Variants in INSL6 observed in about 807,000 individuals in gnomAD.
The protein encoded by INSL6 is insulin like 6.
A neutral mutation model predicts 9.4 loss-of-function variants in INSL6; 16 were observed. That is an observed-to-expected ratio of 1.70 (90% CI 1.15 to 2.59). The LOEUF is 2.59. Among genes scored for constraint, INSL6 ranks in the 30% most tolerant of loss-of-function variants. INSL6 has a pLI of 0.00. For synonymous variants in INSL6, 154 were observed against 96.9 expected (o/e 1.59, Z -3.46); for missense variants, 391 against 257.3 (o/e 1.52, Z -3.56).
chr9:5,031,837 A>G, the INSL6 span, among the ~76,000 whole-genome samples: 1 of 152,260 alleles, frequency 6.6e-6, no homozygotes, highest in Non-Finnish European at 1.5e-5. Flanking sequence ...TGGGCGATGC[A>G]GAAGACGGGT....
chr9:5,089,245 A>AAGAT, the INSL6 span, among the ~76,000 whole-genome samples: 9 of 152,300 alleles, frequency 5.9e-5, no homozygotes, highest in Admixed American at 3.9e-4. Flanking sequence ...TATAAGCTTA[A>AAGAT]AGATAGTCTG....
chr9:5,135,608 G>C (rs1370434531), intron 2 of INSL6, among the ~76,000 whole-genome samples: 1 of 152,102 alleles, frequency 6.6e-6, no homozygotes, highest in Non-Finnish European at 1.5e-5. Context: ...GAATCTCTAG[G>C]ACACATTTAA....
At chr9:5,133,787 T>A (rs1824336295) in intron 2 of INSL6, among the ~76,000 whole-genome samples, 1 of 151,910 alleles carries the variant, frequency 6.6e-6, no homozygotes, top group Admixed American at 6.6e-5. Flanking sequence ...ATGCCTCTTT[T>A]CCTCCAAAGG....
At chr9:5,023,251 T>C in the INSL6 span, among the ~76,000 whole-genome samples, 1 of 152,202 alleles carries the variant, frequency 6.6e-6, no homozygotes, top group East Asian at 1.9e-4. Context: ...AATGAGAACT[T>C]GTTATATTTG....
chr9:5,165,102 T>C (rs1825021431), intron 1 of INSL6, among the ~76,000 whole-genome samples: 1 of 152,146 alleles, frequency 6.6e-6, no homozygotes, highest in Non-Finnish European at 1.5e-5. Context: ...TACCAGCTAC[T>C]TGGGATGCTG....
the INSL6 span, chr9:5,108,365 T>C: frequency 3.9e-5 from 6 of 152,148 alleles, no homozygotes; most frequent in Non-Finnish European, 8.8e-5. Flanking sequence ...CAAGCTCATA[T>C]TTCCTATTGT....
the INSL6 span, chr9:5,089,590 AG>A: frequency 2.0e-6 from 1 of 492,538 alleles, no homozygotes; most frequent in Non-Finnish European, 3.3e-6. Flanking sequence ...TCCAGCTACT[AG>A]AATTTTCTAT....
chr9:5,065,105 T>C, the INSL6 span: 2 of 1,088,284 alleles, frequency 1.8e-6, no homozygotes, highest in Non-Finnish European at 2.5e-6. Flanking sequence ...AAAGAAGATT[T>C]AACAGAGTGA....
At chr9:5,049,829 C>G in the INSL6 span, among the ~76,000 whole-genome samples, 6 of 152,132 alleles carry the variant, frequency 3.9e-5, no homozygotes, top group Non-Finnish European at 5.9e-5. Flanking sequence ...CCTATTATTG[C>G]TCTAGGCTAC....
At chr9:5,103,705 AC>A in the INSL6 span, among the ~76,000 whole-genome samples, 1 of 152,216 alleles carries the variant, frequency 6.6e-6, no homozygotes, top group Admixed American at 6.5e-5. Context: ...AACAGATATC[AC>A]AACAAACTGG....
chr9:5,150,321 G>GA (rs1289767939), intron 2 of INSL6, among the ~76,000 whole-genome samples: 2 of 152,082 alleles, frequency 1.3e-5, no homozygotes, highest in Non-Finnish European at 2.9e-5. Context: ...TACAGAATGG[G>GA]AAAAATATTT....
At chr9:5,077,216 A>G in the INSL6 span, among the ~76,000 whole-genome samples, 4 of 150,098 alleles carry the variant, frequency 2.7e-5, no homozygotes, top group African/African-American at 7.3e-5. Flanking sequence ...TATATTATAC[A>G]TTTATGTTAT....
intron 1 of INSL6, among the ~76,000 whole-genome samples, chr9:5,173,129 G>A (rs2130913851): frequency 6.6e-6 from 1 of 152,290 alleles, no homozygotes; most frequent in Middle Eastern, 3.4e-3. Flanking sequence ...AGATGCTTTT[G>A]AGGTTGCAGA....
the INSL6 span, chr9:5,069,349 G>C: frequency 1.8e-6 from 1 of 556,896 alleles, no homozygotes; most frequent in Non-Finnish European, 3.1e-6. Flanking sequence ...TATTGTACAA[G>C]CATCATCAAA....
intron 1 of INSL6, among the ~76,000 whole-genome samples, chr9:5,177,887 CTTTTTT>C (rs1489833758): frequency 1.3e-5 from 2 of 151,972 alleles, no homozygotes; most frequent in African/African-American, 2.4e-5. Flanking sequence ...TCTTCTTTTT[CTTTTTT>C]GAGTTGGAGT....
chr9:5,012,863 G>T, the INSL6 span, among the ~76,000 whole-genome samples: 1 of 152,096 alleles, frequency 6.6e-6, no homozygotes, highest in African/African-American at 2.4e-5. Context: ...ATATGAGGGT[G>T]GCTCCTGTGG....
At chr9:5,046,039 A>T in the INSL6 span, among the ~76,000 whole-genome samples, 1 of 152,112 alleles carries the variant, frequency 6.6e-6, no homozygotes, top group Non-Finnish European at 1.5e-5. Context: ...CAACATCCTC[A>T]ACAATGCTTT....
At chr9:5,016,751 C>G in the INSL6 span, among the ~76,000 whole-genome samples, 1 of 152,166 alleles carries the variant, frequency 6.6e-6, no homozygotes, top group African/African-American at 2.4e-5. Context: ...TCCATGCCCT[C>G]CCACTATCCC....
downstream of INSL6, among the ~76,000 whole-genome samples, chr9:5,122,629 G>C (rs541657332): frequency 6.6e-6 from 1 of 152,064 alleles, no homozygotes; most frequent in South Asian, 2.1e-4. Flanking sequence ...ACAGGACTCA[G>C]CATATATCCA....
Sources: gnomAD v4.1 joint callset for allele counts (sites outside exome capture counted in the v4.1 genomes callset) on GRCh38, gnomAD v4.1.1 for gene constraint, MANE v1.5 for transcripts, NCBI Gene and HGNC (gene_info 2026-07-23, HGNC 2026-07-21) for gene names.